The following BTN1A1 variants were observed in gnomAD, a reference collection of about 807,000 sequenced individuals.
The protein encoded by BTN1A1 is bK14H9.2 (butyrophilin, subfamily 1, member A1).
BTN1A1 carries 26 observed loss-of-function variants against 33.1 expected under a neutral mutation model. The observed-to-expected ratio is 0.79, with a 90% CI of 0.58 to 1.09. BTN1A1 has a LOEUF of 1.09. Among genes scored for constraint, BTN1A1 ranks in the 50% least tolerant of loss-of-function variants. The probability of loss-of-function intolerance (pLI) is 0.00; values close to 1 mark genes in which losing one functional copy is unlikely to be tolerated. For missense variants in BTN1A1, 558 were observed against 655.7 expected (o/e 0.85, Z 1.63); for synonymous variants, 235 against 256.2 (o/e 0.92, Z 0.79).
chr6:26,508,922 T>A lies in BTN1A1; in HGVS notation c.1329T>A (p.Asp443Glu). The A allele has an allele frequency of 6.2e-7, 1 of 1,614,222 alleles. No individual in the cohort carries two copies. The highest frequency in any genetic ancestry group is 8.5e-7 in the Non-Finnish European group (1 of 1,180,028). Reference sequence around the variant, plus strand: ...TCTACAACATGAATGATGGATCTGATATCTATACTTTCTCCAATGTCACTT... The same window carrying A: ...TCTACAACATGAATGATGGATCTGAAATCTATACTTTCTCCAATGTCACTT... The part of the protein sequence containing the change: ...ISFYNMNDGS[D>E]IYTFSNVTFS... The change falls in exon 8 of 8, where the codon GAT (aspartate) becomes GAA (glutamate). Residue 443 changes from aspartate (D) to glutamate (E), a missense_variant. By Grantham distance (45) the Asp-to-Glu change is conservative (BLOSUM62 2). Transcript: ENST00000684113.
At position 26,508,621 on chromosome 6, in the gene BTN1A1, C is replaced by G. The variant is rs1017131548; in HGVS notation, c.1028C>G (p.Ser343Cys). Reference sequence around the variant, plus strand: ...CCTGAGAAAACAGAGAGATTTGACTCCTGGCCCTGTGTGTTGGGCCGTGAG... The same window carrying G: ...CCTGAGAAAACAGAGAGATTTGACTGCTGGCCCTGTGTGTTGGGCCGTGAG... ...KLPEKTERFD[S>C]WPCVLGRETF... The change falls in exon 8 of 8, where the codon TCC (serine) becomes TGC (cysteine). Residue 343 changes from serine to cysteine, a missense_variant. Transcript: ENST00000684113. 1 of 1,614,156 alleles carries G rather than the reference C, an allele frequency of 6.2e-7. No homozygotes were observed. Among genetic ancestry groups the G allele is most frequent in the Non-Finnish European group, 8.5e-7 (1 of 1,180,040 alleles).
chr6:26,504,173 A>C (rs1349735683), intron 3 of BTN1A1, among the ~76,000 whole-genome samples: 1 of 152,196 alleles, frequency 6.6e-6, no homozygotes, highest in Non-Finnish European at 1.5e-5. Context: ...TAGATAAAGA[A>C]AGCTTAAATT....
rs1380917487 is a variant in BTN1A1, at chr6:26,508,909, A to C, written c.1316A>C (p.Asn439Thr). ...GGAGACATCTCCTTCTACAACATGA[A>C]TGATGGATCTGATATCTATACTTTC... is the stretch of plus-strand genomic sequence containing the variant. ...ESGDISFYNM[N>T]DGSDIYTFSN... The change falls in exon 8 of 8, where the codon AAT becomes ACT. Residue 439 changes from asparagine to threonine, a missense_variant. By Grantham distance (65) the Asn-to-Thr change is moderately conservative (BLOSUM62 0). Transcript: ENST00000684113. 3 of 1,614,066 alleles carry C rather than the reference A, an allele frequency of 1.9e-6. No individual in the cohort carries two copies.
chr6:26,504,065 C>T (rs1581429059), intron 3 of BTN1A1, among the ~76,000 whole-genome samples: 4 of 152,142 alleles, frequency 2.6e-5, no homozygotes, highest in African/African-American at 9.6e-5. Context: ...AGGCTAAACA[C>T]ACAAGAAAAG....
intron 3 of BTN1A1, among the ~76,000 whole-genome samples, chr6:26,504,601 C>T (rs756825680): frequency 6.6e-6 from 1 of 152,076 alleles, no homozygotes; most frequent in Non-Finnish European, 1.5e-5. Context: ...AATCCTCCAA[C>T]CTCAGCCTCC....
At position 26,501,541 on chromosome 6, in the gene BTN1A1, C is replaced by G. The variant is rs1561883028; in HGVS notation, c.80-49C>G. On this transcript the variant is annotated intron_variant, in intron 2 of 7. Transcript: ENST00000684113. The surrounding 1 kb of genome is among the most constrained non-coding windows in gnomAD (Gnocchi z 5.2). ...GGCGGGAATCTGGTCGGTGTCTGTC[C>G]GTAGTTCCCATCTCCACATCCCGTC... 6.2e-7 allele frequency: 1 copy of G among 1,603,838 alleles called. No individual in the cohort carries two copies. The highest frequency in any genetic ancestry group is 8.5e-7 in the Non-Finnish European group (1 of 1,173,292).
chr6:26,503,067 A>T (rs1052211405), intron 3 of BTN1A1, among the ~76,000 whole-genome samples: 3 of 152,122 alleles, frequency 2.0e-5, no homozygotes, highest in Admixed American at 6.6e-5. Flanking sequence ...GCCAACTCCT[A>T]TAATCTCAGC....
chr6:26,502,642 T>A (rs1353752130), intron 3 of BTN1A1, among the ~76,000 whole-genome samples: 1 of 152,246 alleles, frequency 6.6e-6, no homozygotes, highest in East Asian at 1.9e-4. Context: ...TAACATTCTT[T>A]TATACAAGTA....
intron 7 of BTN1A1, 50 bp from the exon 8 acceptor site, chr6:26,508,451 G>T: frequency 6.5e-7 from 1 of 1,542,088 alleles, no homozygotes. Context: ...AGACAGTCCT[G>T]CAACCTGTAA....
At position 26,501,549 on chromosome 6, in the gene BTN1A1, C is replaced by G. The variant is rs2255070; in HGVS notation, c.80-41C>G. 778,664 of 1,604,080 alleles carry G rather than the reference C, an allele frequency of 0.49. 191,772 individuals carry two copies. Among genetic ancestry groups the G allele is most frequent in the East Asian group, 0.73 (32,511 of 44,684 alleles). ...TCTGGTCGGTGTCTGTCCGTAGTTC[C>G]CATCTCCACATCCCGTCTGATCCCG... On this transcript the variant is annotated intron_variant, in intron 2 of 7. Transcript: ENST00000684113. The surrounding 1 kb of genome is among the most constrained non-coding windows in gnomAD (Gnocchi z 5.2).
chr6:26,508,379 C>T (rs1763898772), intron 7 of BTN1A1, 122 bp from the exon 8 acceptor site: 3 of 1,181,946 alleles, frequency 2.5e-6, no homozygotes, highest in Admixed American at 4.4e-5. Flanking sequence ...GGCCAAACAT[C>T]CCCCCACCTC....
chr6:26,501,236 G>C lies in BTN1A1; in HGVS notation c.-51G>C. 1 of 1,449,224 alleles carries C rather than the reference G, an allele frequency of 6.9e-7. No homozygotes were observed. The highest frequency in any genetic ancestry group is 9.5e-7 in the Non-Finnish European group (1 of 1,052,532). The allele number at this position is 1,449,224 out of a possible 1,614,324, so 89.8% of individuals were successfully genotyped here. A position where few individuals can be genotyped will look rare whatever the true frequency, so the allele number is the denominator to read the frequency against. ...CTGTCCATTCATCTCCTAGGCTGAA[G>C]CTCCTGAGGGGACTCACATCAGTTA... On this transcript the variant is annotated 5_prime_UTR_variant, in exon 2 of 8. Transcript: ENST00000684113. The surrounding 1 kb of genome is among the most constrained non-coding windows in gnomAD (Gnocchi z 5.2).
At chr6:26,503,190 AG>A (rs1763825464) in intron 3 of BTN1A1, among the ~76,000 whole-genome samples, 1 of 152,034 alleles carries the variant, frequency 6.6e-6, no homozygotes, top group Non-Finnish European at 1.5e-5. Flanking sequence ...TGTCAAAAAA[AG>A]AAAAAAAAAA....
intron 1 of BTN1A1, among the ~76,000 whole-genome samples, chr6:26,500,871 T>C (rs996118161): frequency 1.3e-5 from 2 of 152,058 alleles, no homozygotes; most frequent in Non-Finnish European, 2.9e-5. Flanking sequence ...GCCGAGATCA[T>C]GCCACTGCAC....
chr6:26,503,814 T>A (rs1450851617), intron 3 of BTN1A1, among the ~76,000 whole-genome samples: 1 of 152,132 alleles, frequency 6.6e-6, no homozygotes, highest in Non-Finnish European at 1.5e-5. Context: ...AGAAGTATCT[T>A]AAAGCTTGAT....
rs751401844 is a variant in BTN1A1 at position 26,508,042 on chromosome 6, T to G, written c.881-19T>G. ...TTATTATATAACCTGTCAATGACTATCTTTCTCTTTTGTTGCAGAATGGAA... is the reference window on the plus strand; with the variant it reads ...TTATTATATAACCTGTCAATGACTAGCTTTCTCTTTTGTTGCAGAATGGAA... On this transcript the variant is annotated intron_variant, in intron 6 of 7. Transcript: ENST00000684113. 6.2e-7 allele frequency: 1 copy of G among 1,612,680 alleles called. No homozygotes were observed. Among genetic ancestry groups the G allele is most frequent in the South Asian group, 1.1e-5 (1 of 90,764 alleles).
At position 26,501,375 on chromosome 6, in the gene BTN1A1, T is replaced by C; in HGVS notation, c.79+10T>C. On this transcript the variant is annotated intron_variant, in intron 2 of 7. Coordinates refer to ENST00000684113, the MANE Select transcript of BTN1A1 (RefSeq NM_001732.3). The surrounding 1 kb of genome is among the most constrained non-coding windows in gnomAD (Gnocchi z 5.2). ...CCCAAACTGGATTCAGGTAAGTCTC[T>C]CTCTCTCTCTGGGCTGCATAGTTGA... 1 of 1,609,172 alleles carries C rather than the reference T, an allele frequency of 6.2e-7. No individual in the cohort carries two copies. The highest frequency in any genetic ancestry group is 1.1e-5 in the South Asian group (1 of 90,982).
intron 4 of BTN1A1, 44 bp downstream of exon 4, chr6:26,505,250 T>C: frequency 6.4e-7 from 1 of 1,573,482 alleles, no homozygotes; most frequent in Non-Finnish European, 8.7e-7. Flanking sequence ...TGACACAGCT[T>C]CAGAGCCACA....
chr6:26,501,504 G>C lies in BTN1A1; in HGVS notation c.80-86G>C. On this transcript the variant is annotated intron_variant, in intron 2 of 7. Coordinates refer to ENST00000684113, the MANE Select transcript of BTN1A1 (RefSeq NM_001732.3). The surrounding 1 kb of genome is among the most constrained non-coding windows in gnomAD (Gnocchi z 5.2). ...TGTCAAAGGAGTAAGAGAGCGCGGGGCACTGCGCTTTGGCGGGAATCTGGT... is the reference window on the plus strand; with the variant it reads ...TGTCAAAGGAGTAAGAGAGCGCGGGCCACTGCGCTTTGGCGGGAATCTGGT... The C allele has an allele frequency of 1.3e-6, 2 of 1,587,686 alleles. No homozygotes were observed. The highest frequency in any genetic ancestry group is 1.7e-6 in the Non-Finnish European group (2 of 1,160,764).
Sources: allele counts gnomAD v4.1 joint callset (sites outside exome capture counted in the v4.1 genomes callset), GRCh38; gene constraint gnomAD v4.1.1; non-coding constraint Gnocchi (gnomAD v3.1); transcripts MANE v1.5; gene names NCBI Gene and HGNC (gene_info 2026-07-23, HGNC 2026-07-21).